The following HNF4G variants were observed in gnomAD, a reference collection of about 807,000 sequenced individuals.
HNF4G encodes the protein hepatocyte nuclear factor 4-gamma.
Under a neutral mutation model 50.9 loss-of-function variants are expected in HNF4G, and 21 were observed. The observed-to-expected ratio is 0.41, with a 90% CI of 0.29 to 0.59. HNF4G has a LOEUF of 0.59. HNF4G is among the 20% of genes least tolerant of loss of function. HNF4G has a pLI of 0.26. For synonymous variants in HNF4G, 198 were observed against 185.6 expected (o/e 1.07, Z -0.54); for missense variants, 527 against 559.4 (o/e 0.94, Z 0.58).
At chr8:75,452,750 T>C (rs938642608) in intron 1 of HNF4G, among the ~76,000 whole-genome samples, 2 of 151,968 alleles carry the variant, frequency 1.3e-5, no homozygotes, top group Admixed American at 6.6e-5. Context: ...AAGACTAATG[T>C]ATGCAATTAG....
chr8:75,522,803 C>A (rs1585919658), intron 2 of HNF4G, among the ~76,000 whole-genome samples: 1 of 152,204 alleles, frequency 6.6e-6, no homozygotes, highest in East Asian at 1.9e-4. Context: ...AGCGATATTT[C>A]ATATAAGTTA....
At chr8:75,482,237 T>C (rs1224798361) in intron 1 of HNF4G, among the ~76,000 whole-genome samples, 1 of 152,182 alleles carries the variant, frequency 6.6e-6, no homozygotes, top group Non-Finnish European at 1.5e-5. Context: ...AAAGATTAGC[T>C]AGTTGCCTAG....
intron 1 of HNF4G, among the ~76,000 whole-genome samples, chr8:75,421,913 A>G (rs1810783437): frequency 6.6e-6 from 1 of 152,142 alleles, no homozygotes; most frequent in Admixed American, 6.5e-5. Flanking sequence ...GACCCTGGAA[A>G]CTACTCTTTT....
chr8:75,452,764 CTGTT>C (rs1811617618), intron 1 of HNF4G, among the ~76,000 whole-genome samples: 1 of 151,826 alleles, frequency 6.6e-6, no homozygotes, highest in South Asian at 2.1e-4. Context: ...CAATTAGTAA[CTGTT>C]TGAGCCATGA....
At chr8:75,464,864 G>A (rs1036095881) in intron 1 of HNF4G, among the ~76,000 whole-genome samples, 3 of 152,174 alleles carry the variant, frequency 2.0e-5, no homozygotes, top group Admixed American at 6.6e-5. Context: ...CATCATCCAA[G>A]TATGGACAGA....
chr8:75,535,497 TTC>T (rs1563545008), upstream of HNF4G, among the ~76,000 whole-genome samples: 1 of 151,680 alleles, frequency 6.6e-6, no homozygotes, highest in East Asian at 1.9e-4. Context: ...ATTGTTATTC[TTC>T]TTCATTTAGC....
At chr8:75,524,362 G>C (rs192868489) in intron 2 of HNF4G, among the ~76,000 whole-genome samples, 1 of 152,132 alleles carries the variant, frequency 6.6e-6, no homozygotes, top group African/African-American at 2.4e-5. Flanking sequence ...CTACTGTTGT[G>C]TGCCCAAGCT....
chr8:75,524,371 C>T (rs868622948), intron 2 of HNF4G, among the ~76,000 whole-genome samples: 2 of 152,146 alleles, frequency 1.3e-5, no homozygotes, highest in Admixed American at 1.3e-4. Flanking sequence ...TGTGCCCAAG[C>T]TCATCTTCCT....
intron 5 of HNF4G, among the ~76,000 whole-genome samples, chr8:75,553,847 T>A (rs1395460406): frequency 6.6e-6 from 1 of 152,172 alleles, no homozygotes; most frequent in Non-Finnish European, 1.5e-5. Flanking sequence ...ATTTTCATAT[T>A]TTGTCATATG....
intron 1 of HNF4G, among the ~76,000 whole-genome samples, chr8:75,470,457 C>G (rs889142558): frequency 6.6e-6 from 1 of 152,060 alleles, no homozygotes; most frequent in Non-Finnish European, 1.5e-5. Flanking sequence ...TGCTGTTTCT[C>G]TCCCCCCACA....
At chr8:75,521,882 A>G (rs973177650) in intron 2 of HNF4G, among the ~76,000 whole-genome samples, 2 of 152,160 alleles carry the variant, frequency 1.3e-5, no homozygotes, top group African/African-American at 4.8e-5. Context: ...CCCCCCACAC[A>G]CAGTCCTTGC....
rs200513304 is a variant in HNF4G at position 75,553,234 on chromosome 8, C to T, written c.645+37C>T. The T allele has an allele frequency of 9.7e-5, 149 of 1,531,706 alleles. No homozygotes were observed. The African/African-American group carries it at 1.7e-3, about 18-fold the overall frequency. 94.9% of individuals were successfully genotyped at this position (1,531,706 alleles called of 1,614,324 possible). A position where few individuals can be genotyped will look rare whatever the true frequency, so the allele number is the denominator to read the frequency against. On this transcript the variant is annotated intron_variant, in intron 5 of 9. Coordinates refer to ENST00000396423, the MANE Select transcript of HNF4G (RefSeq NM_004133.5). ...AAACTTTATAAATGCTTTAAAAATG[C>T]TTCTTGAACTTTGCTAAGTTTATGT...
intron 1 of HNF4G, among the ~76,000 whole-genome samples, chr8:75,485,400 C>T (rs546934554): frequency 2.0e-5 from 3 of 152,072 alleles, no homozygotes; most frequent in Admixed American, 6.5e-5. Flanking sequence ...TTTTTCTGAA[C>T]AATTTAACCC....
At chr8:75,409,226 A>C (rs1310077738) in intron 1 of HNF4G, among the ~76,000 whole-genome samples, 1 of 152,120 alleles carries the variant, frequency 6.6e-6, no homozygotes, top group Non-Finnish European at 1.5e-5. Context: ...ATGGAGTGGA[A>C]AATTGAGAGC....
chr8:75,553,547 A>G (rs1281539101), intron 5 of HNF4G, among the ~76,000 whole-genome samples: 6 of 152,116 alleles, frequency 3.9e-5, no homozygotes, highest in Non-Finnish European at 8.8e-5. Flanking sequence ...TGTGAAGCAA[A>G]TGGTGGATGT....
chr8:75,499,090 T>C (rs1269862518), intron 2 of HNF4G, among the ~76,000 whole-genome samples: 1 of 152,096 alleles, frequency 6.6e-6, no homozygotes, highest in Non-Finnish European at 1.5e-5. Flanking sequence ...AGTAAAACTA[T>C]GTCAATTTGC....
intron 8 of HNF4G, among the ~76,000 whole-genome samples, chr8:75,559,771 T>C (rs1807252502): frequency 1.3e-5 from 2 of 152,122 alleles, no homozygotes; most frequent in Admixed American, 6.6e-5. Context: ...AATACATATA[T>C]ATATATACTA....
intron 2 of HNF4G, among the ~76,000 whole-genome samples, chr8:75,512,226 A>C (rs1805773149): frequency 6.6e-6 from 1 of 151,806 alleles, no homozygotes; most frequent in Non-Finnish European, 1.5e-5. Context: ...TAAAATATTT[A>C]AGAAAAGCAA....
chr8:75,457,573 A>G (rs180792085), intron 1 of HNF4G, among the ~76,000 whole-genome samples: 112 of 152,304 alleles, frequency 7.4e-4, no homozygotes, highest in African/African-American at 2.4e-3. Context: ...TTTACTAAGG[A>G]TTATTTGAGT....
Sources: gnomAD v4.1 joint callset for allele counts (sites outside exome capture counted in the v4.1 genomes callset) on GRCh38, gnomAD v4.1.1 for gene constraint, MANE v1.5 for transcripts, NCBI Gene and HGNC (gene_info 2026-07-23, HGNC 2026-07-21) for gene names.